Variants in PCDH15 observed in about 807,000 individuals in gnomAD.
The protein encoded by PCDH15 is protocadherin-15.
PCDH15 carries 129 observed loss-of-function variants against 178.5 expected under a neutral mutation model. The observed-to-expected ratio is 0.72, with a 90% CI of 0.63 to 0.84. The LOEUF (loss-of-function observed/expected upper bound fraction) is 0.84. Among genes scored for constraint, PCDH15 ranks in the 40% least tolerant of loss-of-function variants. The pLI is 0.00. For missense variants in PCDH15, 2,230 were observed against 2,099.9 expected (o/e 1.06, Z -1.21); for synonymous variants, 800 against 732.0 (o/e 1.09, Z -1.50).
intron 15 of PCDH15, among the ~76,000 whole-genome samples, chr10:54,129,614 T>G (rs1241569101): frequency 6.6e-6 from 1 of 152,080 alleles, no homozygotes; most frequent in Non-Finnish European, 1.5e-5. Flanking sequence ...AGTAAAGAAT[T>G]TAAAGTAAAT....
At chr10:54,020,501 T>G in intron 19 of PCDH15, 85 bp from the exon 20 acceptor site, 1 of 1,253,016 alleles carries the variant, frequency 8.0e-7, no homozygotes, top group Non-Finnish European at 1.2e-6. Context: ...CGTTAGTGCC[T>G]AGGACAGCAT....
chr10:55,602,837 A>T (rs543026002), intron 2 of PCDH15, among the ~76,000 whole-genome samples: 12 of 152,162 alleles, frequency 7.9e-5, no homozygotes, highest in Admixed American at 1.3e-4. Context: ...GTGCCTCTCC[A>T]CCTCCAAAGG....
intron 2 of PCDH15, among the ~76,000 whole-genome samples, chr10:55,146,502 GA>G (rs1486520800): frequency 4.6e-5 from 7 of 151,824 alleles, no homozygotes; most frequent in Admixed American, 2.6e-4. Flanking sequence ...ACTTAGAAAA[GA>G]AAAAAAGTTT....
At chr10:54,368,601 T>G (rs563548091) in intron 5 of PCDH15, among the ~76,000 whole-genome samples, 2 of 152,190 alleles carry the variant, frequency 1.3e-5, no homozygotes, top group African/African-American at 4.8e-5. Flanking sequence ...ATACTACTTT[T>G]TAAATATAAT....
At chr10:55,409,998 G>T (rs746757020) in intron 2 of PCDH15, among the ~76,000 whole-genome samples, 3 of 152,108 alleles carry the variant, frequency 2.0e-5, no homozygotes, top group African/African-American at 4.8e-5. Context: ...ACCTCTTAGG[G>T]TTATTTGAAG....
intron 1 of PCDH15, among the ~76,000 whole-genome samples, chr10:54,777,795 C>A (rs1198188771): frequency 1.3e-5 from 2 of 152,030 alleles, no homozygotes; most frequent in South Asian, 2.1e-4. Flanking sequence ...AAACAGATTT[C>A]TTTTTGCCAA....
intron 2 of PCDH15, among the ~76,000 whole-genome samples, chr10:54,920,495 A>AAAAAC (rs1837459962): frequency 6.8e-6 from 1 of 147,130 alleles, no homozygotes; most frequent in Non-Finnish European, 1.5e-5. Flanking sequence ...AAAAAAAAAA[A>AAAAAC]TCTCCAGTGT....
At chr10:55,322,767 A>G (rs1444509481), upstream of PCDH15, among the ~76,000 whole-genome samples, 1 of 151,402 alleles carries the variant, frequency 6.6e-6, no homozygotes, top group Non-Finnish European at 1.5e-5. Context: ...AAAGAATTGG[A>G]AAATTTGCAG....
At chr10:53,812,438 C>T (rs1288157385) in intron 35 of PCDH15, among the ~76,000 whole-genome samples, 1 of 151,930 alleles carries the variant, frequency 6.6e-6, no homozygotes, top group African/African-American at 2.4e-5. Flanking sequence ...TGTTCTTGAT[C>T]TCCTGACCTC....
chr10:54,966,228 A>G (rs1331686999), intron 2 of PCDH15, among the ~76,000 whole-genome samples: 3 of 152,070 alleles, frequency 2.0e-5, no homozygotes, highest in East Asian at 3.9e-4. Flanking sequence ...GGTAGGGAGA[A>G]AAGATAGCAG....
intron 8 of PCDH15, among the ~76,000 whole-genome samples, chr10:54,304,024 C>A (rs61372192): frequency 0.054 from 8,264 of 151,944 alleles, 693 homozygotes; most frequent in African/African-American, 0.19. Context: ...CATGTTTTAG[C>A]GATTAGGAAT....
At chr10:55,535,636 A>C (rs1393114184) in intron 2 of PCDH15, among the ~76,000 whole-genome samples, 1 of 152,102 alleles carries the variant, frequency 6.6e-6, no homozygotes, top group Non-Finnish European at 1.5e-5. Context: ...CCTTCTAGGA[A>C]ATAATCAATT....
chr10:53,809,150 C>T (rs369936199), intron 37 of PCDH15: 22 of 1,613,952 alleles, frequency 1.4e-5, no homozygotes, highest in Non-Finnish European at 1.7e-5. Flanking sequence ...CTCTCCTCCT[C>T]CTCAGAGGGT....
chr10:55,131,817 T>C (rs983802484), intron 2 of PCDH15, among the ~76,000 whole-genome samples: 10 of 152,136 alleles, frequency 6.6e-5, no homozygotes, highest in African/African-American at 1.7e-4. Flanking sequence ...GATTGGTCTA[T>C]AGGCAGCCAT....
At chr10:54,225,145 C>A (rs547186203) in intron 9 of PCDH15, among the ~76,000 whole-genome samples, 1 of 151,988 alleles carries the variant, frequency 6.6e-6, no homozygotes, top group African/African-American at 2.4e-5. Context: ...TTCAGGTATA[C>A]CTACACTAGA....
chr10:54,249,645 G>A (rs553129376), intron 8 of PCDH15, among the ~76,000 whole-genome samples: 3 of 152,150 alleles, frequency 2.0e-5, no homozygotes, highest in South Asian at 4.2e-4. Flanking sequence ...ACATTTAGGA[G>A]GTTGGTGTTT....
At chr10:54,090,626 A>T (rs1194798264) in intron 15 of PCDH15, among the ~76,000 whole-genome samples, 1 of 144,584 alleles carries the variant, frequency 6.9e-6, no homozygotes, top group Admixed American at 7.1e-5. Flanking sequence ...CCTGGGCAAC[A>T]GAGCAAGATC....
intron 1 of PCDH15, among the ~76,000 whole-genome samples, chr10:54,769,319 G>A (rs1382009427): frequency 9.3e-6 from 1 of 108,098 alleles, no homozygotes; most frequent in Non-Finnish European, 1.8e-5. Context: ...AGTACGCAAT[G>A]CCTTTTTTTT....
Position 54,442,019 on chromosome 10 carries a change from T to A in PCDH15, c.158-63077A>T, listed in dbSNP as rs113206015. On this transcript the variant is annotated intron_variant, in intron 3 of 37. Transcript: ENST00000644397. ...ATCCCTGATAAATATTAGTGTATAA[T>A]TGAAAATCTATTAAAATGACTATTT... Among the ~76,000 whole-genome samples the A allele has an allele frequency of 5.6e-3, 847 of 151,848 alleles. 5 individuals are homozygous for A. The highest frequency in any genetic ancestry group is 0.018 in the African/African-American group (764 of 41,448).
Sources: allele counts gnomAD v4.1 joint callset (sites outside exome capture counted in the v4.1 genomes callset), GRCh38; gene constraint gnomAD v4.1.1; transcripts MANE v1.5; gene names NCBI Gene and HGNC (gene_info 2026-07-23, HGNC 2026-07-21).